Variants in NEK11 observed in about 807,000 individuals in gnomAD.
The protein encoded by NEK11 is NIMA related kinase 11.
NEK11 carries 72 observed loss-of-function variants against 80.7 expected under a neutral mutation model. That is an observed-to-expected ratio of 0.89 (90% CI 0.74 to 1.08). NEK11 has a LOEUF of 1.08. Among genes scored for constraint, NEK11 ranks in the 50% least tolerant of loss-of-function variants. The probability of loss-of-function intolerance (pLI) is 0.00; values close to 1 mark genes in which losing one functional copy is unlikely to be tolerated. For synonymous variants in NEK11, 251 were observed against 260.7 expected (o/e 0.96, Z 0.36); for missense variants, 764 against 763.6 (o/e 1.00, Z -0.01).
intron 3 of NEK11, among the ~76,000 whole-genome samples, chr3:131,071,444 G>A (rs1049905766): frequency 1.3e-5 from 2 of 150,798 alleles, no homozygotes; most frequent in East Asian, 1.9e-4. Context: ...TTTTTGATTG[G>A]CGAATCATCC....
At chr3:131,299,795 A>G (rs1453506950) in intron 17 of NEK11, among the ~76,000 whole-genome samples, 2 of 152,092 alleles carry the variant, frequency 1.3e-5, no homozygotes, top group Non-Finnish European at 2.9e-5. Flanking sequence ...ATTTAGGTTG[A>G]TTCTATGTCT....
intron 15 of NEK11, among the ~76,000 whole-genome samples, chr3:131,235,753 G>A (rs1252924815): frequency 6.6e-6 from 1 of 152,178 alleles, no homozygotes; most frequent in Non-Finnish European, 1.5e-5. Context: ...TTACAAATGA[G>A]AAGACTATGA....
intron 16 of NEK11, among the ~76,000 whole-genome samples, chr3:131,243,952 T>C (rs1030814519): frequency 1.6e-4 from 25 of 152,062 alleles, no homozygotes; most frequent in African/African-American, 5.6e-4. Context: ...TCTCAATAAA[T>C]AGGATTGCTA....
intron 5 of NEK11, among the ~76,000 whole-genome samples, chr3:131,119,096 C>T (rs1279956569): frequency 6.6e-6 from 1 of 152,066 alleles, no homozygotes; most frequent in Non-Finnish European, 1.5e-5. Context: ...TGCTTTCTCT[C>T]ATGGGCATTT....
At chr3:131,342,624 A>G (rs1409275983) in intron 17 of NEK11, among the ~76,000 whole-genome samples, 1 of 152,042 alleles carries the variant, frequency 6.6e-6, no homozygotes, top group Non-Finnish European at 1.5e-5. Context: ...TAGAGCTACA[A>G]AATTGTTTGA....
intron 3 of NEK11, among the ~76,000 whole-genome samples, chr3:131,073,213 T>C (rs1309372159): frequency 6.6e-6 from 1 of 152,178 alleles, no homozygotes; most frequent in East Asian, 1.9e-4. Context: ...TTTATACAGA[T>C]GGGAAAAGTC....
intron 3 of NEK11, among the ~76,000 whole-genome samples, chr3:131,046,528 C>CT (rs2067415893): frequency 6.6e-6 from 1 of 150,536 alleles, no homozygotes; most frequent in East Asian, 1.9e-4. Flanking sequence ...CCTCACAGCT[C>CT]TTTTTTTCCC....
chr3:131,149,378 C>T (rs893038909), intron 7 of NEK11, among the ~76,000 whole-genome samples: 2 of 151,934 alleles, frequency 1.3e-5, no homozygotes, highest in Non-Finnish European at 1.5e-5. Flanking sequence ...CGTTGATGGG[C>T]GTTGAGGTTG....
chr3:131,162,663 C>T (rs941285761), intron 11 of NEK11, 136 bp downstream of exon 11: 2 of 950,590 alleles, frequency 2.1e-6, no homozygotes, highest in African/African-American at 1.6e-5. Flanking sequence ...TATTCATTCA[C>T]TTGTTCACTC....
chr3:131,131,925 T>C (rs917975038), intron 5 of NEK11, among the ~76,000 whole-genome samples: 3 of 152,092 alleles, frequency 2.0e-5, no homozygotes, highest in African/African-American at 7.2e-5. Flanking sequence ...GTTCAAAATA[T>C]TTTAAAATTT....
intron 17 of NEK11, among the ~76,000 whole-genome samples, chr3:131,337,317 G>C (rs924177328): frequency 1.6e-4 from 25 of 152,062 alleles, no homozygotes; most frequent in African/African-American, 6.0e-4. Context: ...CCTTTGTAGG[G>C]ACATGGATGA....
intron 5 of NEK11, among the ~76,000 whole-genome samples, chr3:131,115,816 C>T (rs949601632): frequency 1.3e-5 from 2 of 152,150 alleles, no homozygotes; most frequent in African/African-American, 2.4e-5. Flanking sequence ...AGACGGCTTC[C>T]TCATCACCTC....
chr3:131,338,791 C>G (rs2097238703), intron 17 of NEK11, among the ~76,000 whole-genome samples: 1 of 152,114 alleles, frequency 6.6e-6, no homozygotes, highest in Non-Finnish European at 1.5e-5. Flanking sequence ...CTGGAAAAGG[C>G]AAAACTGAAG....
intron 17 of NEK11, among the ~76,000 whole-genome samples, chr3:131,295,413 C>T (rs936360636): frequency 2.6e-5 from 4 of 151,918 alleles, no homozygotes; most frequent in African/African-American, 9.7e-5. Flanking sequence ...CAGAAAGTGT[C>T]AGATTTTTCA....
At chr3:131,224,411 T>C (rs2095126542) in intron 14 of NEK11, among the ~76,000 whole-genome samples, 1 of 152,038 alleles carries the variant, frequency 6.6e-6, no homozygotes, top group Non-Finnish European at 1.5e-5. Flanking sequence ...GTATTTTTGG[T>C]AAAGATTGGG....
At chr3:131,122,393 A>AT (rs763277962) in intron 5 of NEK11, among the ~76,000 whole-genome samples, 1 of 152,264 alleles carries the variant, frequency 6.6e-6, no homozygotes. Context: ...CACACTCCTG[A>AT]TATGCTGACA....
chr3:131,139,989 T>A (rs1032542493), intron 7 of NEK11, among the ~76,000 whole-genome samples: 9 of 152,180 alleles, frequency 5.9e-5, no homozygotes, highest in African/African-American at 9.7e-5. Flanking sequence ...AAATGTCCCA[T>A]GATCCATAGG....
At chr3:131,139,206 G>A (rs1361576090) in intron 7 of NEK11, among the ~76,000 whole-genome samples, 3 of 151,788 alleles carry the variant, frequency 2.0e-5, no homozygotes, top group Non-Finnish European at 4.4e-5. Context: ...AAAGAATCAA[G>A]CAGAAGTTCT....
intron 14 of NEK11, among the ~76,000 whole-genome samples, chr3:131,190,660 T>C (rs1256845132): frequency 6.6e-6 from 1 of 152,144 alleles, no homozygotes. Flanking sequence ...TCTTTATAAA[T>C]TACCCATCCT....
Sources: allele counts gnomAD v4.1 joint callset (sites outside exome capture counted in the v4.1 genomes callset), GRCh38; gene constraint gnomAD v4.1.1; transcripts MANE v1.5; gene names NCBI Gene and HGNC (gene_info 2026-07-23, HGNC 2026-07-21).